PKHD1: variants seen among roughly 807,000 people sequenced by gnomAD.
PKHD1 encodes PKHD1 ciliary IPT domain containing fibrocystin/polyductin, also known as fibrocystin.
Under a neutral mutation model 412.0 loss-of-function variants are expected in PKHD1, and 291 were observed. The ratio of observed to expected loss-of-function variants is 0.71; its 90% CI spans 0.64 to 0.78. PKHD1 has a LOEUF of 0.78. Among genes scored for constraint, PKHD1 ranks in the 30% least tolerant of loss-of-function variants. PKHD1 has a pLI of 0.00. For missense variants in PKHD1, 4,825 were observed against 4,950.7 expected, an observed-to-expected ratio of 0.97 and a Z score of 0.76; for synonymous variants, 1,777 against 1,821.5, an observed-to-expected ratio of 0.98 and a Z score of 0.62.
chr6:51,765,139 G>A (rs1489764023), intron 55 of PKHD1, among the ~76,000 whole-genome samples: 1 of 151,832 alleles, frequency 6.6e-6, no homozygotes, highest in Non-Finnish European at 1.5e-5. Flanking sequence ...ATTCATCAGT[G>A]TGCTCCATCA....
intron 55 of PKHD1, among the ~76,000 whole-genome samples, chr6:51,766,069 T>C (rs113374995): frequency 1.6e-4 from 24 of 152,174 alleles, no homozygotes; most frequent in African/African-American, 5.8e-4. Flanking sequence ...TATGTAATTT[T>C]ACATTTACTA....
At chr6:52,051,127 T>C (rs1806779857) in intron 21 of PKHD1, among the ~76,000 whole-genome samples, 1 of 152,174 alleles carries the variant, frequency 6.6e-6, no homozygotes, top group South Asian at 2.1e-4. Flanking sequence ...CTCAGCTGGG[T>C]AGATCAGTTC....
At chr6:51,719,120 T>C (rs1159669348) in intron 60 of PKHD1, among the ~76,000 whole-genome samples, 1 of 152,166 alleles carries the variant, frequency 6.6e-6, no homozygotes, top group African/African-American at 2.4e-5. Context: ...ATAAATATAT[T>C]TAGTTTGAAT....
intron 60 of PKHD1, among the ~76,000 whole-genome samples, chr6:51,666,275 C>T (rs970121211): frequency 2.6e-5 from 4 of 152,078 alleles, no homozygotes; most frequent in African/African-American, 7.2e-5. Context: ...CTCGTAAGTA[C>T]CACAAACATG....
chr6:51,955,958 CTGTTGT>C (rs944921377), intron 36 of PKHD1, among the ~76,000 whole-genome samples: 3 of 151,908 alleles, frequency 2.0e-5, no homozygotes, highest in Non-Finnish European at 2.9e-5. Context: ...GGGTGAGTTA[CTGTTGT>C]TGTTGTTGAT....
At chr6:52,017,334 A>G (rs1800691939) in intron 34 of PKHD1, 76 bp downstream of exon 34, 1 of 1,066,164 alleles carries the variant, frequency 9.4e-7, no homozygotes, top group South Asian at 1.2e-5. Context: ...CACCCAGCCT[A>G]CACTCTCTGA....
At chr6:51,885,137 A>T (rs894395746) in intron 45 of PKHD1, among the ~76,000 whole-genome samples, 9 of 152,302 alleles carry the variant, frequency 5.9e-5, no homozygotes, top group African/African-American at 2.2e-4. Context: ...GGCAGAGACA[A>T]AGTGTATGTA....
At chr6:51,853,330 G>T (rs958784138) in intron 49 of PKHD1, among the ~76,000 whole-genome samples, 5 of 152,124 alleles carry the variant, frequency 3.3e-5, no homozygotes, top group African/African-American at 1.2e-4. Context: ...ATCTCTGGCT[G>T]CCTTTAACAG....
chr6:51,725,494 GA>G (rs1394261439), intron 60 of PKHD1, among the ~76,000 whole-genome samples: 3 of 152,142 alleles, frequency 2.0e-5, no homozygotes, highest in Non-Finnish European at 4.4e-5. Flanking sequence ...TGGAGAGAAA[GA>G]GAAGAGGAAA....
At chr6:51,766,604 CTGG>C (rs149277046) in intron 55 of PKHD1, among the ~76,000 whole-genome samples, 15,434 of 150,946 alleles carry the variant, frequency 0.1, 831 homozygotes, top group East Asian at 0.14. Flanking sequence ...AAATATGTTT[CTGG>C]TGTATTCATA....
At chr6:51,906,478 CA>C in intron 40 of PKHD1, 138 bp from the exon 41 acceptor site, 1 of 689,224 alleles carries the variant, frequency 1.5e-6, no homozygotes, top group Non-Finnish European at 2.6e-6. Flanking sequence ...TTAGAAGCAG[CA>C]ATCGAATCAA....
At chr6:52,085,219 T>G (rs1812592835) in intron 1 of PKHD1, among the ~76,000 whole-genome samples, 1 of 140,308 alleles carries the variant, frequency 7.1e-6, no homozygotes, top group Non-Finnish European at 1.5e-5. Flanking sequence ...GCCCTCCTTG[T>G]CCCACCAACT....
intron 60 of PKHD1, among the ~76,000 whole-genome samples, chr6:51,677,748 T>TA (rs542967214): frequency 1.7e-3 from 252 of 152,230 alleles, no homozygotes; most frequent in South Asian, 6.8e-3. Flanking sequence ...GTTGCATTGA[T>TA]AAAAAAGATC....
intron 42 of PKHD1, 128 bp from the exon 43 acceptor site, chr6:51,903,855 A>T (rs866817372): frequency 5.4e-6 from 2 of 372,404 alleles, no homozygotes; most frequent in Admixed American, 4.9e-5. Flanking sequence ...ATATATATAT[A>T]TATATTTAGA....
chr6:51,836,875 T>G (rs751112662), intron 50 of PKHD1, among the ~76,000 whole-genome samples: 3 of 152,198 alleles, frequency 2.0e-5, no homozygotes, highest in Non-Finnish European at 4.4e-5. Context: ...ATCCATGAAA[T>G]GTATTTGGTT....
chr6:51,654,466 T>C (rs1771488583), intron 61 of PKHD1, among the ~76,000 whole-genome samples: 1 of 152,104 alleles, frequency 6.6e-6, no homozygotes, highest in Non-Finnish European at 1.5e-5. Flanking sequence ...AACATTGGCA[T>C]GTAAGCTTTC....
chr6:51,810,068 A>G (rs547786275), intron 52 of PKHD1, among the ~76,000 whole-genome samples: 11 of 152,092 alleles, frequency 7.2e-5, no homozygotes, highest in African/African-American at 2.4e-4. Context: ...AATATTTCCT[A>G]TGGACTTCTT....
At chr6:51,944,862 G>A (rs1049953076) in intron 36 of PKHD1, among the ~76,000 whole-genome samples, 1 of 152,172 alleles carries the variant, frequency 6.6e-6, no homozygotes, top group Non-Finnish European at 1.5e-5. Context: ...TACCACTTGA[G>A]CACTGCTAGA....
At chr6:51,831,680 C>T (rs904288495) in intron 51 of PKHD1, among the ~76,000 whole-genome samples, 1 of 152,122 alleles carries the variant, frequency 6.6e-6, no homozygotes, top group Non-Finnish European at 1.5e-5. Flanking sequence ...CCACAGCTCT[C>T]CCTACACATT....
Sources: allele counts gnomAD v4.1 joint callset (sites outside exome capture counted in the v4.1 genomes callset), GRCh38; gene constraint gnomAD v4.1.1; transcripts MANE v1.5; gene names NCBI Gene and HGNC (gene_info 2026-07-23, HGNC 2026-07-21).